The following NADSYN1 variants were observed in gnomAD, a reference collection of about 807,000 sequenced individuals.
The protein encoded by NADSYN1 is NAD synthetase 1, also known as glutamine-dependent NAD(+) synthetase.
Under a neutral mutation model 99.3 loss-of-function variants are expected in NADSYN1, and 80 were observed. The observed-to-expected ratio is 0.81, with a 90% confidence interval of 0.67 to 0.97. NADSYN1 has a LOEUF of 0.97. Among genes scored for constraint, NADSYN1 ranks in the 50% least tolerant of loss-of-function variants. The probability of loss-of-function intolerance (pLI) is 0.00; values close to 1 mark genes in which losing one functional copy is unlikely to be tolerated. For missense variants in NADSYN1, 859 were observed against 948.5 expected, an observed-to-expected ratio of 0.91 and a Z score of 1.24; for synonymous variants, 385 against 372.1, an observed-to-expected ratio of 1.03 and a Z score of -0.40.
chr11:71,490,761 G>A (rs546702751), intron 16 of NADSYN1, 84 bp from the exon 17 acceptor site: 4 of 1,557,094 alleles, frequency 2.6e-6, no homozygotes, highest in Middle Eastern at 1.7e-4. Flanking sequence ...CAGGGCCCCT[G>A]GAAGAAGCGA....
In NADSYN1 at chr11:71,458,552, C is replaced by T; in HGVS notation, c.263+8C>T. 1.3e-6 allele frequency: 2 copies of T among 1,587,454 alleles called. No homozygotes were observed. The highest frequency in any genetic ancestry group is 1.1e-5 in the South Asian group (1 of 90,702). On this transcript the variant is annotated splice_region_variant and intron_variant, in intron 3 of 20. Transcript: ENST00000319023. ...CATCTGCGACGTGGGGATGTAAGTG[C>T]CAGTGTGAGTGTGGAAGGGCAAACC...
In NADSYN1 at chr11:71,482,858, T is replaced by TGCTGGCTGATGTCCGCACCATCGTG. The variant is rs1949718359; in HGVS notation, c.1161_1185dup (p.Asn396AlafsTer3). The stretch of plus-strand genomic sequence containing the variant: ...TCCTGGTGGTTTTCAGATGAGGAAG[T>TGCTGGCTGATGTCCGCACCATCGTG]GCTGGCTGATGTCCGCACCATCGTG... On this transcript the variant is annotated frameshift_variant, in exon 14 of 21. Coordinates refer to ENST00000319023, the MANE Select transcript of NADSYN1 (RefSeq NM_018161.5). LOFTEE classifies it high-confidence loss of function. The TGCTGGCTGATGTCCGCACCATCGTG allele has an allele frequency of 1.9e-6, 3 of 1,612,252 alleles. No individual in the cohort carries two copies. The highest frequency in any genetic ancestry group is 2.5e-6 in the Non-Finnish European group (3 of 1,179,420).
Position 71,474,491 on chromosome 11 carries a change from T to G in NADSYN1, c.763T>G (p.Phe255Val), listed in dbSNP as rs1288283566. 1 of 1,614,082 alleles carries G rather than the reference T, an allele frequency of 6.2e-7. No individual in the cohort carries two copies. Among genetic ancestry groups the G allele is most frequent in the African/African-American group, 1.3e-5 (1 of 74,944 alleles). ...CAMIAMNGSV[F>V]AQGSQFSLDD... ...CATGATTGCCATGAACGGAAGCGTC[T>G]TTGCTCAAGGATCCCAGTTTTCTCT... The change falls in exon 9 of 21, where the codon TTT becomes GTT. Residue 255 changes from phenylalanine (F) to valine (V), a missense_variant. By Grantham distance (50) the Phe-to-Val change is conservative (BLOSUM62 -1). Coordinates refer to ENST00000319023, the MANE Select transcript of NADSYN1 (RefSeq NM_018161.5).
intron 8 of NADSYN1, among the ~76,000 whole-genome samples, chr11:71,474,162 GGTT>G (rs755773382): frequency 3.3e-5 from 5 of 152,344 alleles, no homozygotes; most frequent in Middle Eastern, 3.4e-3. Flanking sequence ...TGCCTTGTAG[GGTT>G]GTTGTGAAGG....
intron 20 of NADSYN1, 100 bp downstream of exon 20, chr11:71,498,628 G>A: frequency 7.3e-7 from 1 of 1,362,858 alleles, no homozygotes; most frequent in Admixed American, 2.2e-5. Flanking sequence ...TATATACACA[G>A]TAACTTTTTT....
At chr11:71,463,747 G>A (rs1949567339) in intron 4 of NADSYN1, among the ~76,000 whole-genome samples, 1 of 152,108 alleles carries the variant, frequency 6.6e-6, no homozygotes, top group South Asian at 2.1e-4. Flanking sequence ...GGGGACACAG[G>A]TCCTTGTGGC....
intron 18 of NADSYN1, among the ~76,000 whole-genome samples, chr11:71,492,390 C>T (rs10898203): frequency 0.2 from 29,959 of 151,970 alleles, 3,201 homozygotes; most frequent in South Asian, 0.33. Context: ...TTCTTCCAAG[C>T]GTTTTCTAGT....
At chr11:71,478,604 G>T in intron 10 of NADSYN1, 135 bp downstream of exon 10, 2 of 767,486 alleles carry the variant, frequency 2.6e-6, no homozygotes, top group Non-Finnish European at 4.4e-6. Context: ...GACTTCCCGA[G>T]CGTGGAAAGG....
intron 3 of NADSYN1, among the ~76,000 whole-genome samples, chr11:71,462,858 G>A (rs996126461): frequency 1.3e-5 from 2 of 152,088 alleles, no homozygotes; most frequent in African/African-American, 4.8e-5. Flanking sequence ...ACCTCCTGTC[G>A]GGTCACTCTG....
At chr11:71,483,941 A>C (rs1949725527) in intron 14 of NADSYN1, among the ~76,000 whole-genome samples, 2 of 152,234 alleles carry the variant, frequency 1.3e-5, no homozygotes, top group South Asian at 4.1e-4. Flanking sequence ...GGAGCCAGCC[A>C]CACCAGGCCA....
intron 6 of NADSYN1, among the ~76,000 whole-genome samples, chr11:71,473,039 C>G (rs1949637980): frequency 6.6e-6 from 1 of 152,242 alleles, no homozygotes; most frequent in Non-Finnish European, 1.5e-5. Flanking sequence ...CATTCTGCCC[C>G]TTGGCTGCTC....
chr11:71,463,432 G>A lies in NADSYN1; in HGVS notation c.264G>A (p.Met88Ile), dbSNP rs1949564025. 1 of 1,613,950 alleles carries A rather than the reference G, an allele frequency of 6.2e-7. No individual in the cohort carries two copies. Among genetic ancestry groups the A allele is most frequent in the East Asian group, 2.2e-5 (1 of 44,862 alleles). ...VTQDIICDVG[M>I]PVMHRNVRYN... Reference sequence around the variant, plus strand: ...CATGTACCTCCCCTCTCTCCTGCAGGCCTGTAATGCACCGAAACGTCCGCT... The same window carrying A: ...CATGTACCTCCCCTCTCTCCTGCAGACCTGTAATGCACCGAAACGTCCGCT... Residue 88 changes from methionine (M) to isoleucine (I), a missense_variant and splice_region_variant, in exon 4 of 21, where the codon ATG (methionine) becomes ATA (isoleucine). Physicochemically the swap from Met to Ile is conservative, Grantham distance 10 (BLOSUM62 1). Transcript: ENST00000319023.
In NADSYN1 at chr11:71,463,711, G is replaced by A. The variant is rs188099379; in HGVS notation, c.317+226G>A. Among the ~76,000 whole-genome samples, 1,094 of 152,216 alleles carry A rather than the reference G, an allele frequency of 7.2e-3. 11 individuals are homozygous for A. Among genetic ancestry groups the A allele is most frequent in the South Asian group, 0.012 (58 of 4,804 alleles). ...GACAGGCATCATCAGGTATCAGAAG[G>A]AGAGAGACGCAGAGGGTGGGGGTGT... On this transcript the variant is annotated intron_variant, in intron 4 of 20. Transcript: ENST00000319023.
intron 19 of NADSYN1, 108 bp from the exon 20 acceptor site, chr11:71,498,244 C>CG (rs1949833621): frequency 2.4e-6 from 3 of 1,275,676 alleles, no homozygotes; most frequent in Non-Finnish European, 3.3e-6. Context: ...AGGTCCTGTG[C>CG]GGGGAGTAAC....
intron 9 of NADSYN1, chr11:71,476,171 C>G (rs145716334): frequency 6.6e-6 from 3 of 453,426 alleles, no homozygotes; most frequent in Non-Finnish European, 1.3e-5. Context: ...AGACCACACG[C>G]GGGTCCACAG....
At chr11:71,455,704 G>A (rs879662209) in intron 2 of NADSYN1, among the ~76,000 whole-genome samples, 5 of 152,282 alleles carry the variant, frequency 3.3e-5, no homozygotes, top group Admixed American at 1.3e-4. Flanking sequence ...CACCTTGATC[G>A]TGGGCTTCCC....
chr11:71,468,201 A>G (rs1427356468), intron 5 of NADSYN1, among the ~76,000 whole-genome samples: 1 of 152,252 alleles, frequency 6.6e-6, no homozygotes, highest in East Asian at 1.9e-4. Flanking sequence ...ATTAGTGGAA[A>G]TTCTGAACAT....
chr11:71,456,416 C>G (rs1045554162), intron 2 of NADSYN1, among the ~76,000 whole-genome samples: 1 of 152,216 alleles, frequency 6.6e-6, no homozygotes, highest in African/African-American at 2.4e-5. Flanking sequence ...CCTCTCCTGG[C>G]CCCGTGGCCG....
intron 9 of NADSYN1, 50 bp downstream of exon 9, chr11:71,474,576 C>T (rs1450602884): frequency 2.5e-6 from 4 of 1,611,706 alleles, no homozygotes; most frequent in Admixed American, 3.3e-5. Context: ...TGTGCAGAGA[C>T]CGAGCTCCTG....
Sources: allele counts gnomAD v4.1 joint callset (sites outside exome capture counted in the v4.1 genomes callset), GRCh38; gene constraint gnomAD v4.1.1; transcripts MANE v1.5; gene names NCBI Gene and HGNC (gene_info 2026-07-23, HGNC 2026-07-21).